Variants in RPH3A observed in about 807,000 individuals in gnomAD.
The protein encoded by RPH3A is rabphilin-3A.
A neutral mutation model predicts 102.2 loss-of-function variants in RPH3A; 48 were observed. The observed-to-expected ratio is 0.47, with a 90% confidence interval of 0.37 to 0.60. The LOEUF is 0.60. RPH3A is among the 20% of genes least tolerant of loss of function. The pLI is 0.00. For synonymous variants in RPH3A, 310 were observed against 324.3 expected (o/e 0.96, Z 0.47); for missense variants, 781 against 910.1 (o/e 0.86, Z 1.83).
At chr12:112,593,941 C>T (rs2039496953) in intron 1 of RPH3A, among the ~76,000 whole-genome samples, 1 of 152,218 alleles carries the variant, frequency 6.6e-6, no homozygotes, top group South Asian at 2.1e-4. Context: ...CCCCATATAA[C>T]ACTTACTTCC....
At chr12:112,782,764 T>C (rs2041018236) in intron 1 of RPH3A, among the ~76,000 whole-genome samples, 1 of 152,246 alleles carries the variant, frequency 6.6e-6, no homozygotes, top group South Asian at 2.1e-4. Flanking sequence ...TGGAGCTGCT[T>C]CACTTCCCCT....
intron 8 of RPH3A, 61 bp downstream of exon 8, chr12:112,868,656 TGA>T (rs2042654005): frequency 1.3e-6 from 2 of 1,547,202 alleles, no homozygotes; most frequent in Non-Finnish European, 1.8e-6. Flanking sequence ...CTGGTCTACC[TGA>T]GGGATGGCCT....
intron 1 of RPH3A, among the ~76,000 whole-genome samples, chr12:112,783,261 T>C (rs1422962565): frequency 1.3e-5 from 2 of 152,000 alleles, no homozygotes; most frequent in African/African-American, 4.8e-5. Context: ...AGTGCTGGAG[T>C]AGGGAAGAAG....
intron 1 of RPH3A, among the ~76,000 whole-genome samples, chr12:112,605,496 C>T (rs2039589877): frequency 6.6e-6 from 1 of 152,338 alleles, no homozygotes; most frequent in Non-Finnish European, 1.5e-5. Context: ...CCTGCCAAAG[C>T]TTATACAACT....
At chr12:112,675,186 G>T (rs965457753) in intron 1 of RPH3A, among the ~76,000 whole-genome samples, 9 of 151,842 alleles carry the variant, frequency 5.9e-5, no homozygotes, top group South Asian at 2.1e-4. Context: ...AGTTTTTTTT[G>T]TTGTTGTTGT....
chr12:112,684,369 C>T (rs2040248352), intron 1 of RPH3A, among the ~76,000 whole-genome samples: 1 of 152,188 alleles, frequency 6.6e-6, no homozygotes, highest in South Asian at 2.1e-4. Flanking sequence ...GGCGATTCTC[C>T]TGCCTCAGCC....
intron 1 of RPH3A, among the ~76,000 whole-genome samples, chr12:112,722,147 T>G (rs2040555978): frequency 6.6e-6 from 1 of 152,226 alleles, no homozygotes. Flanking sequence ...GAAGGTTGAT[T>G]GGGAGAGCTT....
At chr12:112,852,040 G>T (rs1264741984) in intron 5 of RPH3A, among the ~76,000 whole-genome samples, 1 of 152,192 alleles carries the variant, frequency 6.6e-6, no homozygotes, top group Non-Finnish European at 1.5e-5. Flanking sequence ...CTGCTGGGCA[G>T]GTTTTCTGCT....
chr12:112,614,461 A>T lies in RPH3A; in HGVS notation c.-140+39142A>T, dbSNP rs185915104. Among the ~76,000 whole-genome samples, 246 of 151,608 alleles carry T rather than the reference A, an allele frequency of 1.6e-3. 2 individuals are homozygous for T. The highest frequency in any genetic ancestry group is 5.7e-3 in the African/African-American group (234 of 41,330). On this transcript the variant is annotated intron_variant, in intron 1 of 21. Coordinates refer to the RPH3A transcript ENST00000543106. ...CACCTTGGGAGGCTGAGGCGGGTAG[A>T]TCACTTGAGCCCAGAAGTTTGAGAC...
At chr12:112,770,348 T>TTTTGTTTTGC (rs2040919365) in intron 1 of RPH3A, among the ~76,000 whole-genome samples, 1 of 151,834 alleles carries the variant, frequency 6.6e-6, no homozygotes, top group African/African-American at 2.4e-5. Context: ...TTTTTGTTTG[T>TTTTGTTTTGC]TTTGTTTTGT....
In RPH3A at chr12:112,890,956, C is replaced by T. The variant is rs1386934774; in HGVS notation, c.1728C>T (p.His576=). The change falls in exon 19 of 22, where the codon CAC becomes CAT. Residue 576 remains histidine (H), a synonymous_variant. Coordinates refer to ENST00000389385, the MANE Select transcript of RPH3A (RefSeq NM_001143854.2). ...TTGTGGGCATCATACGCTGCGTGCA[C>T]CTGGCTGCCATGGACGCTAATGGCT... ...GLIVGIIRCV[H]LAAMDANGYS... The T allele has an allele frequency of 1.2e-6, 2 of 1,614,166 alleles. No homozygotes were observed. Among genetic ancestry groups the T allele is most frequent in the East Asian group, 2.2e-5 (1 of 44,880 alleles).
chr12:112,640,584 TG>T (rs1425986148), intron 1 of RPH3A, among the ~76,000 whole-genome samples: 1 of 152,124 alleles, frequency 6.6e-6, no homozygotes, highest in Non-Finnish European at 1.5e-5. Flanking sequence ...TTTTTTGAAT[TG>T]AATAGCATCT....
chr12:112,784,590 T>C (rs2041031146), intron 1 of RPH3A, among the ~76,000 whole-genome samples: 1 of 152,208 alleles, frequency 6.6e-6, no homozygotes, highest in Non-Finnish European at 1.5e-5. Flanking sequence ...GAATAATTTA[T>C]TTATTCGACA....
chr12:112,875,119 C>A lies in RPH3A; in HGVS notation c.832C>A (p.Pro278Thr), dbSNP rs1369811595. ...RRANSVQASRPAPGSVQSPAP... is the reference protein window; with the variant it reads ...RRANSVQASRTAPGSVQSPAP... ...GGCCAACTCAGTCCAGGCCTCCAGA[C>A]CTGCCCCAGGCTCGGTGCAGAGCCC... Residue 278 changes from proline (P) to threonine (T), a missense_variant, in exon 11 of 22, where the codon CCT becomes ACT. This residue lies in a region of RPH3A where 730 missense variants were observed against 810.0 expected (regional missense o/e 0.90). Transcript: ENST00000389385. 1.2e-6 allele frequency: 2 copies of A among 1,610,456 alleles called. No homozygotes were observed. Among genetic ancestry groups the A allele is most frequent in the East Asian group, 2.2e-5 (1 of 44,780 alleles).
At chr12:112,586,915 A>G (rs2039443687) in intron 1 of RPH3A, among the ~76,000 whole-genome samples, 1 of 152,188 alleles carries the variant, frequency 6.6e-6, no homozygotes, top group African/African-American at 2.4e-5. Flanking sequence ...ATTCTACATG[A>G]TAGATCCCTT....
At chr12:112,595,843 C>G (rs1288532942) in intron 1 of RPH3A, among the ~76,000 whole-genome samples, 1 of 152,122 alleles carries the variant, frequency 6.6e-6, no homozygotes, top group Non-Finnish European at 1.5e-5. Flanking sequence ...CCACACGATA[C>G]CAATGCTAAC....
intron 1 of RPH3A, among the ~76,000 whole-genome samples, chr12:112,661,706 GT>G (rs1441919019): frequency 6.6e-6 from 1 of 152,176 alleles, no homozygotes; most frequent in Non-Finnish European, 1.5e-5. Flanking sequence ...GGGCTGCAGA[GT>G]TTTGTCTCCT....
intron 1 of RPH3A, among the ~76,000 whole-genome samples, chr12:112,681,712 A>G (rs553866845): frequency 1.3e-5 from 2 of 152,358 alleles, no homozygotes; most frequent in East Asian, 3.9e-4. Context: ...TAAGCAGTTC[A>G]GAAAGATCCA....
chr12:112,800,050 C>T (rs564800912), intron 2 of RPH3A, among the ~76,000 whole-genome samples: 44 of 152,262 alleles, frequency 2.9e-4, no homozygotes, highest in African/African-American at 9.4e-4. Flanking sequence ...GAGTTCCCTG[C>T]CCCCTGAAGC....
Sources: gnomAD v4.1 joint callset for allele counts (sites outside exome capture counted in the v4.1 genomes callset) on GRCh38, gnomAD v4.1.1 for gene constraint, gnomAD v4.1.1 regional missense constraint, MANE v1.5 for transcripts, NCBI Gene and HGNC (gene_info 2026-07-23, HGNC 2026-07-21) for gene names.